The following ARB2A variants were observed in gnomAD, a reference collection of about 807,000 sequenced individuals.
ARB2A encodes ARB2 cotranscriptional regulator A, also known as cotranscriptional regulator ARB2A.
chr5:93,930,170 A>G, the ARB2A span, among the ~76,000 whole-genome samples: 3 of 152,218 alleles, frequency 2.0e-5, no homozygotes, highest in African/African-American at 4.8e-5. Context: ...ATTTCCCACT[A>G]CTGCATTTTC....
At chr5:93,952,949 C>T in the ARB2A span, among the ~76,000 whole-genome samples, 739 of 152,302 alleles carry the variant, frequency 4.9e-3, 6 homozygotes, top group African/African-American at 0.017. Context: ...ACACATTCTT[C>T]AGTCTTTCAA....
the ARB2A span, among the ~76,000 whole-genome samples, chr5:93,835,881 T>C: frequency 6.6e-6 from 1 of 152,164 alleles, no homozygotes; most frequent in African/African-American, 2.4e-5. Context: ...AATTCTTTCT[T>C]CTAAAAAGTT....
At chr5:94,014,172 C>A in the ARB2A span, among the ~76,000 whole-genome samples, 1 of 152,170 alleles carries the variant, frequency 6.6e-6, no homozygotes, top group Non-Finnish European at 1.5e-5. Context: ...GACACCGAAT[C>A]AAGAGTGGTA....
the ARB2A span, among the ~76,000 whole-genome samples, chr5:93,627,176 G>A: frequency 2.0e-5 from 3 of 152,114 alleles, no homozygotes; most frequent in Non-Finnish European, 2.9e-5. Context: ...TCTAATTCTG[G>A]TTCTTTTGCT....
the ARB2A span, among the ~76,000 whole-genome samples, chr5:94,044,745 G>T: frequency 6.6e-6 from 1 of 151,976 alleles, no homozygotes; most frequent in Non-Finnish European, 1.5e-5. Flanking sequence ...GATAAAACAG[G>T]TTGCAGTAAA....
chr5:93,888,100 C>T, the ARB2A span, among the ~76,000 whole-genome samples: 1 of 151,818 alleles, frequency 6.6e-6, no homozygotes, highest in Non-Finnish European at 1.5e-5. Context: ...ATCACCCACT[C>T]CATTTCTAAC....
chr5:93,923,181 T>C, the ARB2A span, among the ~76,000 whole-genome samples: 1 of 152,152 alleles, frequency 6.6e-6, no homozygotes, highest in East Asian at 1.9e-4. Flanking sequence ...ATTTTCTTCC[T>C]TATGATTTTC....
the ARB2A span, among the ~76,000 whole-genome samples, chr5:94,105,997 G>A: frequency 6.6e-6 from 1 of 151,966 alleles, no homozygotes; most frequent in South Asian, 2.1e-4. Context: ...ATGGATTAAA[G>A]ACTTACATGT....
chr5:93,809,559 A>C, the ARB2A span, among the ~76,000 whole-genome samples: 1 of 151,958 alleles, frequency 6.6e-6, no homozygotes, highest in Non-Finnish European at 1.5e-5. Flanking sequence ...ATCCTCTTAG[A>C]CTCAAAGCTT....
the ARB2A span, among the ~76,000 whole-genome samples, chr5:94,026,764 T>A: frequency 1.3e-5 from 2 of 152,196 alleles, no homozygotes; most frequent in Admixed American, 6.5e-5. Context: ...GGCTTGAAGG[T>A]TGGGTTTAAA....
chr5:93,758,889 C>T, the ARB2A span, among the ~76,000 whole-genome samples: 1 of 151,800 alleles, frequency 6.6e-6, no homozygotes, highest in East Asian at 1.9e-4. Context: ...AAGGAAATAA[C>T]CAAGATTAGA....
chr5:94,070,361 G>C, the ARB2A span, among the ~76,000 whole-genome samples: 1 of 152,020 alleles, frequency 6.6e-6, no homozygotes, highest in Non-Finnish European at 1.5e-5. Flanking sequence ...ACAATGAAGA[G>C]AGTTTTTTTA....
chr5:93,921,989 C>A, the ARB2A span, among the ~76,000 whole-genome samples: 1 of 152,026 alleles, frequency 6.6e-6, no homozygotes, highest in Non-Finnish European at 1.5e-5. Context: ...AATAAAACAT[C>A]TCTAATTCAG....
At chr5:93,794,823 A>G in the ARB2A span, among the ~76,000 whole-genome samples, 2 of 152,004 alleles carry the variant, frequency 1.3e-5, no homozygotes, top group African/African-American at 4.8e-5. Context: ...GTAGCAAGGG[A>G]GTGAAGTGGA....
chr5:94,030,044 C>A, the ARB2A span, among the ~76,000 whole-genome samples: 1 of 152,304 alleles, frequency 6.6e-6, no homozygotes, highest in Non-Finnish European at 1.5e-5. Flanking sequence ...CAGATCCTCA[C>A]TATCTTGAGA....
At chr5:93,817,040 A>G in the ARB2A span, among the ~76,000 whole-genome samples, 1 of 151,994 alleles carries the variant, frequency 6.6e-6, no homozygotes. Context: ...ATCTGTATTC[A>G]CGAATGATAT....
At chr5:93,773,084 T>C in the ARB2A span, among the ~76,000 whole-genome samples, 1 of 152,352 alleles carries the variant, frequency 6.6e-6, no homozygotes, top group African/African-American at 2.4e-5. Context: ...AAGGCATAGA[T>C]ATGGGACTGC....
At chr5:93,948,198 T>C in the ARB2A span, among the ~76,000 whole-genome samples, 10 of 152,304 alleles carry the variant, frequency 6.6e-5, no homozygotes, top group East Asian at 1.4e-3. Context: ...TTTTAATGAT[T>C]GCCATTCTAA....
At chr5:93,946,908 C>T in the ARB2A span, among the ~76,000 whole-genome samples, 2 of 152,248 alleles carry the variant, frequency 1.3e-5, no homozygotes, top group East Asian at 3.9e-4. Flanking sequence ...CTAATACATG[C>T]TTTTCTCCTA....
Sources: gnomAD v4.1 joint callset for allele counts (sites outside exome capture counted in the v4.1 genomes callset) on GRCh38, gnomAD v4.1.1 for gene constraint, MANE v1.5 for transcripts, NCBI Gene and HGNC (gene_info 2026-07-23, HGNC 2026-07-21) for gene names.